Variants in ADGRL1 observed in about 807,000 individuals in gnomAD.
ADGRL1 encodes CIRL-1.
Under a neutral mutation model 148.9 loss-of-function variants are expected in ADGRL1, and 31 were observed. The observed-to-expected ratio is 0.21, with a 90% CI of 0.16 to 0.28. The LOEUF (loss-of-function observed/expected upper bound fraction) is 0.28, where lower values mean the gene tolerates loss of function less well. ADGRL1 is among the 10% of genes least tolerant of loss of function. The pLI, the probability that ADGRL1 is intolerant of heterozygous loss-of-function variation, is 1.00. For missense variants in ADGRL1, 1,521 were observed against 2,058.8 expected (o/e 0.74, Z 5.05); for synonymous variants, 937 against 900.3 (o/e 1.04, Z -0.73).
At position 14,163,690 on chromosome 19, in the gene ADGRL1, G is replaced by A. The variant is rs144476009; in HGVS notation, c.395-284C>T. The stretch of plus-strand genomic sequence containing the variant: ...TGAACCCTGAAGGCCATTAAGAGCG[G>A]GGTTAGTGAGGGGAAGTGGTGCCCC... On this transcript the variant is annotated intron_variant, in intron 4 of 22. Coordinates refer to ENST00000361434, the MANE Select transcript of ADGRL1 (RefSeq NM_014921.5). 3.4e-3 allele frequency among the ~76,000 whole-genome samples: 514 copies of A among 152,218 alleles called. 1 individual carries two copies. Among genetic ancestry groups the A allele is most frequent in the Non-Finnish European group, 5.6e-3 (383 of 68,018 alleles).
In ADGRL1 at chr19:14,151,070, G is replaced by GGCGC; in HGVS notation, c.4212_4213insGCGC (p.Pro1405AlafsTer39). On this transcript the variant is annotated frameshift_variant, in exon 23 of 23. Transcript: ENST00000361434. LOFTEE classifies it high-confidence loss of function. ...CCGGGGGGTGCGGGAGGGGGTGGGG[G>GGCGC]CAGGGCCTCACTGGGCCCCTCAGGG... 1 of 709,460 alleles carries GGCGC rather than the reference G, an allele frequency of 1.4e-6. No individual in the cohort carries two copies. The highest frequency in any genetic ancestry group is 2.2e-6 in the Non-Finnish European group (1 of 459,100). The allele number at this position is 709,460 out of a possible 1,614,324, so 43.9% of individuals were successfully genotyped here. A position where few individuals can be genotyped will look rare whatever the true frequency, so the allele number is the denominator to read the frequency against.
At chr19:14,165,311 C>A (rs1969848873) in intron 4 of ADGRL1, among the ~76,000 whole-genome samples, 1 of 152,184 alleles carries the variant, frequency 6.6e-6, no homozygotes, top group African/African-American at 2.4e-5. Context: ...TCGGCCTGCC[C>A]ACTCTGTCCA....
chr19:14,193,271 CAAA>C (rs34844517), intron 1 of ADGRL1, among the ~76,000 whole-genome samples: 3 of 48,626 alleles, frequency 6.2e-5, no homozygotes, highest in African/African-American at 9.3e-5. Flanking sequence ...CCCCCACCGC[CAAA>C]AAAAAAAAAA....
chr19:14,178,970 G>C (rs2144975750), intron 2 of ADGRL1, among the ~76,000 whole-genome samples: 1 of 151,884 alleles, frequency 6.6e-6, no homozygotes, highest in East Asian at 2.0e-4. Flanking sequence ...GATCACCTGA[G>C]GTCAGGAGTT....
At chr19:14,191,993 C>T (rs1971974819) in intron 1 of ADGRL1, among the ~76,000 whole-genome samples, 1 of 152,086 alleles carries the variant, frequency 6.6e-6, no homozygotes, top group African/African-American at 2.4e-5. Context: ...CCACAAGCGC[C>T]GGCCTCTCTC....
intron 1 of ADGRL1, among the ~76,000 whole-genome samples, chr19:14,194,500 C>G (rs571399928): frequency 2.6e-5 from 4 of 152,230 alleles, no homozygotes; most frequent in Non-Finnish European, 4.4e-5. Context: ...GCAGCTTCCA[C>G]GTGTAACTCA....
chr19:14,151,422 G>A lies in ADGRL1; in HGVS notation c.3861C>T (p.Asn1287=), dbSNP rs1968181390. The stretch of plus-strand genomic sequence containing the variant: ...TGGCCGCGCTGCTGCTCCCCCGCAG[G>A]TTGTTGTGCACCAGCTCTGAGATGA... ...KMIISELVHN[N]LRGSSSAAKG... is the part of the protein sequence containing the mutation. The change falls in exon 23 of 23, where the codon AAC becomes AAT. Residue 1287 remains asparagine, a synonymous_variant. Transcript: ENST00000361434. 6.2e-7 allele frequency: 1 copy of A among 1,612,814 alleles called. No homozygotes were observed. The highest frequency in any genetic ancestry group is 8.5e-7 in the Non-Finnish European group (1 of 1,179,790).
In ADGRL1 at chr19:14,161,515, G is replaced by A. The variant is rs765891570; in HGVS notation, c.1307C>T (p.Thr436Met). ...CTGGTTGATGGCACCCACTGGGTGC[G>A]TGGTGAGGGGTGCCCGGCGGAGCGG... Reference protein sequence around the residue: ...TTPLRRAPLTTHPVGAINQLG... With the variant: ...TTPLRRAPLTMHPVGAINQLG... Residue 436 changes from threonine (T) to methionine (M), a missense_variant, in exon 6 of 23, where the codon ACG becomes ATG. Physicochemically the swap from Thr to Met is moderately conservative, Grantham distance 81. Coordinates refer to ENST00000361434, the MANE Select transcript of ADGRL1 (RefSeq NM_014921.5). The surrounding 1 kb of genome is among the most constrained non-coding windows in gnomAD (Gnocchi z 4.4). The A allele has an allele frequency of 4.1e-5, 59 of 1,445,056 alleles. No individual in the cohort carries two copies. Among genetic ancestry groups the A allele is most frequent in the Non-Finnish European group, 4.9e-5 (54 of 1,098,142 alleles). 89.5% of individuals were successfully genotyped at this position (1,445,056 alleles called of 1,614,324 possible). A position where few individuals can be genotyped will look rare whatever the true frequency, so the allele number is the denominator to read the frequency against.
chr19:14,151,201 G>C lies in ADGRL1; in HGVS notation c.4082C>G (p.Ala1361Gly). Residue 1361 changes from alanine (A) to glycine (G), a missense_variant, in exon 23 of 23, where the codon GCC (alanine) becomes GGC (glycine). Ala to Gly is a moderately conservative substitution (Grantham distance 60). This residue lies in a region of ADGRL1 where 390 missense variants were observed against 375.0 expected (regional missense o/e 1.04). Transcript: ENST00000361434. ...GGGCCGGCTGGTGGCGCCGTCCTCG[G>C]CCGTGCAGCTCTCCGACTCGTCCAG... ...SDLDESESCT[A>G]EDGATSRPLS... is the part of the protein sequence containing the mutation. 1 of 1,611,368 alleles carries C rather than the reference G, an allele frequency of 6.2e-7. No homozygotes were observed. The highest frequency in any genetic ancestry group is 8.5e-7 in the Non-Finnish European group (1 of 1,179,568).
rs1216125343 is a variant in ADGRL1, at chr19:14,157,580, G to A, written c.2536-120C>T. Reference sequence around the variant, plus strand: ...ATGGGCCGTGAGGACCTCTGGTGCCGCCAACCTGGCAGCCCTCACCCCTCT... The same window carrying A: ...ATGGGCCGTGAGGACCTCTGGTGCCACCAACCTGGCAGCCCTCACCCCTCT... On this transcript the variant is annotated intron_variant, in intron 13 of 22. Coordinates refer to ENST00000361434, the MANE Select transcript of ADGRL1 (RefSeq NM_014921.5). The surrounding 1 kb of genome is among the most constrained non-coding windows in gnomAD (Gnocchi z 7.5). 1.0e-5 allele frequency: 10 copies of A among 974,630 alleles called. No individual in the cohort carries two copies. The highest frequency in any genetic ancestry group is 7.7e-5 in the East Asian group (3 of 38,928). 60.4% of individuals were successfully genotyped at this position (974,630 alleles called of 1,614,324 possible). A position where few individuals can be genotyped will look rare whatever the true frequency, so the allele number is the denominator to read the frequency against.
Position 14,160,699 on chromosome 19 carries a change from G to T in ADGRL1, c.1511-3C>A. 1 of 1,579,844 alleles carries T rather than the reference G, an allele frequency of 6.3e-7. No individual in the cohort carries two copies. The highest frequency in any genetic ancestry group is 8.7e-7 in the Non-Finnish European group (1 of 1,150,046). On this transcript the variant is annotated splice_polypyrimidine_tract_variant and splice_region_variant and intron_variant, in intron 6 of 22. Coordinates refer to ENST00000361434, the MANE Select transcript of ADGRL1 (RefSeq NM_014921.5). This position sits in a 1 kb window ranked among gnomAD's most constrained non-coding sequence, Gnocchi z 5.9. ...TAGACACTGGAAGGAGGCAATTCCTGCAGGGACAGACAGACAGGAACAGAC... is the reference window on the plus strand; with the variant it reads ...TAGACACTGGAAGGAGGCAATTCCTTCAGGGACAGACAGACAGGAACAGAC...
At chr19:14,167,957 C>A (rs1311435407) in intron 4 of ADGRL1, among the ~76,000 whole-genome samples, 1 of 152,120 alleles carries the variant, frequency 6.6e-6, no homozygotes, top group African/African-American at 2.4e-5. Context: ...GGAAGGGGCG[C>A]GGTTAGACTG....
At position 14,162,473 on chromosome 19, in the gene ADGRL1, C is replaced by A. The variant is rs1969493493; in HGVS notation, c.1195+133G>T. ...TGCTTAGAACAGCGTCTGTCACATG[C>A]TGTGAATTTCCTTTACCTCCCGATC... On this transcript the variant is annotated intron_variant, in intron 5 of 22. Transcript: ENST00000361434. The surrounding 1 kb of genome is among the most constrained non-coding windows in gnomAD (Gnocchi z 5.4). 2 of 722,526 alleles carry A rather than the reference C, an allele frequency of 2.8e-6. No homozygotes were observed. The highest frequency in any genetic ancestry group is 5.0e-5 in the Admixed American group (2 of 39,656). 44.8% of individuals were successfully genotyped at this position (722,526 alleles called of 1,614,324 possible). A position where few individuals can be genotyped will look rare whatever the true frequency, so the allele number is the denominator to read the frequency against.
rs749046153 is a variant in ADGRL1, at chr19:14,152,164, C to A, written c.3650-14G>T. 1 of 1,614,062 alleles carries A rather than the reference C, an allele frequency of 6.2e-7. No homozygotes were observed. Among genetic ancestry groups the A allele is most frequent in the Non-Finnish European group, 8.5e-7 (1 of 1,179,992 alleles). The stretch of plus-strand genomic sequence containing the variant: ...CCCGGTAGCTCCCTGCAGGTGGCAG[C>A]CAGAAGAGAGAAGAGAAAAGGCAAG... On this transcript the variant is annotated splice_polypyrimidine_tract_variant and intron_variant, in intron 21 of 22. Transcript: ENST00000361434. This position sits in a 1 kb window ranked among gnomAD's most constrained non-coding sequence, Gnocchi z 6.1.
intron 1 of ADGRL1, among the ~76,000 whole-genome samples, chr19:14,194,681 G>A (rs1273809141): frequency 6.6e-6 from 1 of 152,134 alleles, no homozygotes; most frequent in Non-Finnish European, 1.5e-5. Context: ...GCTGTGGGGG[G>A]ATCCTGGGGG....
rs141436434 is a variant in ADGRL1, at chr19:14,157,001, C to T, written c.2890G>A (p.Gly964Ser). The stretch of plus-strand genomic sequence containing the variant: ...ACCAGGGCCGGGAAGCAGTAGCCAC[C>T]CAGGTAGTAGTACTTGGTGCGGGAA... ...EYSRTKYYYL[G>S]GYCFPALVVG... The change falls in exon 15 of 23, where the codon GGT becomes AGT. Residue 964 changes from glycine to serine, a missense_variant. Gly to Ser is a moderately conservative substitution (Grantham distance 56). This residue lies in a region of ADGRL1 where 185 missense variants were observed against 251.7 expected (regional missense o/e 0.74). Transcript: ENST00000361434. The surrounding 1 kb of genome is among the most constrained non-coding windows in gnomAD (Gnocchi z 7.5). The T allele has an allele frequency of 1.9e-5, 30 of 1,613,790 alleles. No individual in the cohort carries two copies. Among genetic ancestry groups the T allele is most frequent in the African/African-American group, 5.3e-5 (4 of 74,874 alleles).
intron 18 of ADGRL1, among the ~76,000 whole-genome samples, chr19:14,153,471 A>C (rs543136164): frequency 7.0e-6 from 1 of 143,202 alleles, no homozygotes; most frequent in East Asian, 2.0e-4. Flanking sequence ...GCTGGAGTGC[A>C]ATGGTGCAAT....
chr19:14,155,918 A>G lies in ADGRL1; in HGVS notation c.3125+192T>C. 1 of 598,810 alleles carries G rather than the reference A, an allele frequency of 1.7e-6. No homozygotes were observed. The highest frequency in any genetic ancestry group is 2.8e-5 in the East Asian group (1 of 35,926). The allele number at this position is 598,810 out of a possible 1,614,324, so 37.1% of individuals were successfully genotyped here. A position where few individuals can be genotyped will look rare whatever the true frequency, so the allele number is the denominator to read the frequency against. On this transcript the variant is annotated intron_variant, in intron 17 of 22. Transcript: ENST00000361434. The surrounding 1 kb of genome is among the most constrained non-coding windows in gnomAD (Gnocchi z 5.0). ...CCTAAAACCACAGGTTGGACGTGCT[A>G]ATGATACGCTATCTAAGACCCATTA...
chr19:14,160,002 AAAGG>A lies in ADGRL1; in HGVS notation c.1800+106_1800+109del. The stretch of plus-strand genomic sequence containing the variant: ...AGGGGGGGGTCCTTCCTCTCTGAGG[AAAGG>A]AGTGGAGGTGGCAGCCTGGCTGGGA... On this transcript the variant is annotated intron_variant, in intron 8 of 22. Transcript: ENST00000361434. The surrounding 1 kb of genome is among the most constrained non-coding windows in gnomAD (Gnocchi z 5.9). The A allele has an allele frequency of 8.3e-7, 1 of 1,206,440 alleles. No individual in the cohort carries two copies. The allele number at this position is 1,206,440 out of a possible 1,614,324, so 74.7% of individuals were successfully genotyped here.
Sources: gnomAD v4.1 joint callset for allele counts (sites outside exome capture counted in the v4.1 genomes callset) on GRCh38, gnomAD v4.1.1 for gene constraint, gnomAD v4.1.1 regional missense constraint, Gnocchi (gnomAD v3.1) non-coding constraint, MANE v1.5 for transcripts, NCBI Gene and HGNC (gene_info 2026-07-23, HGNC 2026-07-21) for gene names.